CACNA1E: variants seen among roughly 807,000 people sequenced by gnomAD.
CACNA1E encodes calcium voltage-gated channel subunit alpha1 E, also known as voltage-dependent R-type calcium channel subunit alpha-1E.
Under a neutral mutation model 259.2 loss-of-function variants are expected in CACNA1E, and 40 were observed. The ratio of observed to expected loss-of-function variants is 0.15; its 90% CI spans 0.12 to 0.20. The LOEUF is 0.20. CACNA1E is among the 10% of genes least tolerant of loss of function. CACNA1E has a pLI of 1.00. For synonymous variants in CACNA1E, 1,104 were observed against 1,138.5 expected (o/e 0.97, Z 0.61); for missense variants, 1,874 against 3,040.1 (o/e 0.62, Z 9.02).
chr1:181,729,191 T>G (rs1655225661), intron 18 of CACNA1E, among the ~76,000 whole-genome samples: 1 of 151,470 alleles, frequency 6.6e-6, no homozygotes, highest in Non-Finnish European at 1.5e-5. Context: ...CTCAGGTGTG[T>G]GTGCATTTTG....
intron 7 of CACNA1E, among the ~76,000 whole-genome samples, chr1:181,671,589 C>T (rs563711517): frequency 4.6e-5 from 7 of 152,142 alleles, no homozygotes; most frequent in Non-Finnish European, 7.3e-5. Context: ...GATCTGACCC[C>T]GTGTGATTCT....
chr1:181,516,449 A>G (rs1215164031), intron 3 of CACNA1E, among the ~76,000 whole-genome samples: 1 of 147,552 alleles, frequency 6.8e-6, no homozygotes, highest in Non-Finnish European at 1.5e-5. Context: ...ACCCAGTCCC[A>G]TTTTACAGAT....
chr1:181,384,891 TAATAA>T (rs145334939), intron 1 of CACNA1E, among the ~76,000 whole-genome samples: 9,339 of 152,134 alleles, frequency 0.061, 863 homozygotes, highest in African/African-American at 0.2. Context: ...AAGTATATAA[TAATAA>T]AATAAAATAA....
intron 39 of CACNA1E, among the ~76,000 whole-genome samples, chr1:181,782,509 A>T (rs1171485560): frequency 6.6e-6 from 1 of 152,230 alleles, no homozygotes; most frequent in African/African-American, 2.4e-5. Flanking sequence ...TGGGAGAGAG[A>T]TGGAACTCAA....
chr1:181,629,895 G>T (rs1281690205), intron 6 of CACNA1E, among the ~76,000 whole-genome samples: 1 of 152,176 alleles, frequency 6.6e-6, no homozygotes, highest in Non-Finnish European at 1.5e-5. Flanking sequence ...GTGGTTCTGT[G>T]CGTCTGTGTG....
chr1:181,440,418 G>A (rs1014912161), intron 2 of CACNA1E, among the ~76,000 whole-genome samples: 16 of 99,038 alleles, frequency 1.6e-4, no homozygotes, highest in African/African-American at 6.6e-4. Context: ...ATGCTTCTGG[G>A]CAGGGTGGCC....
At chr1:181,467,061 G>A (rs1368646545) in intron 2 of CACNA1E, among the ~76,000 whole-genome samples, 1 of 152,200 alleles carries the variant, frequency 6.6e-6, no homozygotes, top group African/African-American at 2.4e-5. Context: ...CAGATGGTAC[G>A]TGAGTGCTTA....
intron 3 of CACNA1E, among the ~76,000 whole-genome samples, chr1:181,552,105 TA>T (rs1464466638): frequency 1.3e-5 from 2 of 152,196 alleles, no homozygotes; most frequent in Non-Finnish European, 2.9e-5. Context: ...TATTTCTCCA[TA>T]TTGCTCTTAA....
intron 3 of CACNA1E, among the ~76,000 whole-genome samples, chr1:181,526,375 C>G (rs1390873976): frequency 6.6e-6 from 1 of 151,314 alleles, no homozygotes; most frequent in East Asian, 1.9e-4. Context: ...GCTACACTGC[C>G]TTCCTAATTT....
chr1:181,513,887 G>C (rs992810219), intron 3 of CACNA1E, among the ~76,000 whole-genome samples: 3 of 152,126 alleles, frequency 2.0e-5, no homozygotes, highest in African/African-American at 7.2e-5. Flanking sequence ...CCTTCTTAGT[G>C]GCTCTTCAGA....
At chr1:181,543,257 A>G (rs1179570364) in intron 3 of CACNA1E, among the ~76,000 whole-genome samples, 2 of 152,022 alleles carry the variant, frequency 1.3e-5, no homozygotes, top group Non-Finnish European at 2.9e-5. Context: ...GATGCTGCTG[A>G]TGGGTGCGTG....
chr1:181,429,067 A>G (rs1295654296), intron 2 of CACNA1E, among the ~76,000 whole-genome samples: 2 of 152,152 alleles, frequency 1.3e-5, no homozygotes, highest in Non-Finnish European at 2.9e-5. Context: ...CTGTAATCCC[A>G]GCTATTTGGG....
chr1:181,585,076 G>T (rs984956602), intron 6 of CACNA1E, among the ~76,000 whole-genome samples: 1 of 152,112 alleles, frequency 6.6e-6, no homozygotes, highest in African/African-American at 2.4e-5. Flanking sequence ...CATGAGTCTG[G>T]GATCCTGTAA....
At chr1:181,625,409 G>C (rs1656107215) in intron 6 of CACNA1E, among the ~76,000 whole-genome samples, 1 of 152,176 alleles carries the variant, frequency 6.6e-6, no homozygotes, top group Non-Finnish European at 1.5e-5. Flanking sequence ...TTGAAAATCT[G>C]TTGTTTAGTG....
rs1054776502 is a variant in CACNA1E, at chr1:181,657,148, T to A, written c.1055+5707T>A. Among the ~76,000 whole-genome samples, 3 of 152,166 alleles carry A rather than the reference T, an allele frequency of 2.0e-5. No homozygotes were observed. The South Asian group carries it at 6.2e-4, about 32-fold the overall frequency. On this transcript the variant is annotated intron_variant, in intron 7 of 47. Coordinates refer to ENST00000367573, the MANE Select transcript of CACNA1E (RefSeq NM_001205293.3). ...ATGAAATTGTTACCAGTAAGAAATA[T>A]AAGCATAGTAAGTAGGTCCTCTATT...
chr1:181,574,305 A>G (rs1458808936), intron 3 of CACNA1E, among the ~76,000 whole-genome samples: 6 of 152,204 alleles, frequency 3.9e-5, no homozygotes, highest in Non-Finnish European at 5.9e-5. Flanking sequence ...TTAAAAAAGA[A>G]TATTAGAAGA....
chr1:181,767,858 C>G (rs1305783242), intron 35 of CACNA1E, among the ~76,000 whole-genome samples: 3 of 152,202 alleles, frequency 2.0e-5, no homozygotes, highest in Non-Finnish European at 4.4e-5. Flanking sequence ...GAAGTCCTGT[C>G]TAACTCCAAT....
chr1:181,659,890 C>T (rs1647450322), intron 7 of CACNA1E, among the ~76,000 whole-genome samples: 1 of 152,176 alleles, frequency 6.6e-6, no homozygotes. Flanking sequence ...TTTTAGTGTA[C>T]ACTACGTAGC....
rs181557740 is a variant in CACNA1E, at chr1:181,742,156, A to C, written c.3719+2903A>C. Among the ~76,000 whole-genome samples the C allele has an allele frequency of 2.0e-3, 306 of 152,228 alleles. 1 individual carries two copies. The highest frequency in any genetic ancestry group is 7.0e-3 in the African/African-American group (292 of 41,546). ...AATGCTTTCTCTCACTCATGCACCC[A>C]TGCTTTCTAACTCTGCCCTGTTCCT... On this transcript the variant is annotated intron_variant, in intron 25 of 47. Transcript: ENST00000367573.
Sources: allele counts gnomAD v4.1 joint callset (sites outside exome capture counted in the v4.1 genomes callset), GRCh38; gene constraint gnomAD v4.1.1; transcripts MANE v1.5; gene names NCBI Gene and HGNC (gene_info 2026-07-23, HGNC 2026-07-21).